SLC39A11: variants seen among roughly 807,000 people sequenced by gnomAD.
SLC39A11 encodes zinc transporter ZIP11.
A neutral mutation model predicts 36.1 loss-of-function variants in SLC39A11; 33 were observed. That is an observed-to-expected ratio of 0.91 (90% CI 0.69 to 1.22). SLC39A11 has a LOEUF of 1.22. Ranked by LOEUF, SLC39A11 falls within the 50% of genes most tolerant of loss-of-function variation. SLC39A11 has a pLI of 0.00. For missense variants in SLC39A11, 432 were observed against 430.3 expected (o/e 1.00, Z -0.03); for synonymous variants, 166 against 170.3 (o/e 0.97, Z 0.20).
chr17:72,809,045 TG>T, intron 6 of SLC39A11, among the ~76,000 whole-genome samples: 1 of 152,346 alleles, frequency 6.6e-6, no homozygotes, highest in Non-Finnish European at 1.5e-5. Flanking sequence ...ATCTGTGCTG[TG>T]GGCAAGAAGA....
intron 3 of SLC39A11, among the ~76,000 whole-genome samples, chr17:73,045,605 C>CT (rs556325441): frequency 2.0e-5 from 3 of 152,082 alleles, no homozygotes; most frequent in Non-Finnish European, 4.4e-5. Flanking sequence ...AACGCTTAGG[C>CT]TTTTTTGTTT....
chr17:72,995,075 C>T (rs990567811), intron 4 of SLC39A11, among the ~76,000 whole-genome samples: 11 of 152,182 alleles, frequency 7.2e-5, no homozygotes, highest in Non-Finnish European at 1.6e-4. Flanking sequence ...TGATACAGCC[C>T]TGCCTTCCTG....
intron 6 of SLC39A11, among the ~76,000 whole-genome samples, chr17:72,783,306 T>C (rs1191494805): frequency 3.9e-5 from 6 of 152,182 alleles, no homozygotes; most frequent in Admixed American, 1.3e-4. Context: ...CACTTTGTTA[T>C]AGAAGCTGTA....
chr17:72,795,313 C>T (rs570821794), intron 6 of SLC39A11, among the ~76,000 whole-genome samples: 118 of 152,204 alleles, frequency 7.8e-4, no homozygotes, highest in Non-Finnish European at 1.3e-3. Flanking sequence ...CCAAGCTCAC[C>T]TGTGCAGCTG....
rs75941297 is a variant in SLC39A11 at position 72,977,095 on chromosome 17, C to T, written c.307-29220G>A. ...TTGGGCCTGACCTAGTCCCAGGAGC[C>T]CTGAAAAGCAGAAAGCTGTGTCCAG... is the stretch of plus-strand genomic sequence containing the variant. On this transcript the variant is annotated intron_variant, in intron 4 of 9. Coordinates refer to ENST00000255559, the MANE Select transcript of SLC39A11 (RefSeq NM_139177.4). Among the ~76,000 whole-genome samples, 1,514 of 152,236 alleles carry T rather than the reference C, an allele frequency of 9.9e-3. 24 individuals carry two copies. The highest frequency in any genetic ancestry group is 0.035 in the African/African-American group (1,438 of 41,536).
At chr17:72,912,433 C>CT (rs527360752) in intron 5 of SLC39A11, among the ~76,000 whole-genome samples, 1,996 of 142,444 alleles carry the variant, frequency 0.014, 21 homozygotes, top group Non-Finnish European at 0.019. Context: ...AGGACAATAT[C>CT]TTTTTTTTTT....
chr17:72,927,641 C>T (rs2084125509), intron 5 of SLC39A11, among the ~76,000 whole-genome samples: 2 of 152,172 alleles, frequency 1.3e-5, no homozygotes, highest in African/African-American at 2.4e-5. Flanking sequence ...CACGCCTCCC[C>T]ACCCACAAGC....
chr17:73,081,742 T>TAC (rs760879499), intron 3 of SLC39A11, among the ~76,000 whole-genome samples: 19 of 149,704 alleles, frequency 1.3e-4, no homozygotes, highest in African/African-American at 1.5e-4. Flanking sequence ...TGTATATATA[T>TAC]ATACATATAT....
At chr17:73,055,909 C>T (rs2059649903) in intron 3 of SLC39A11, among the ~76,000 whole-genome samples, 1 of 152,198 alleles carries the variant, frequency 6.6e-6, no homozygotes, top group Non-Finnish European at 1.5e-5. Context: ...CACGTTGCAG[C>T]CCTGGGCTTC....
At chr17:72,885,278 C>T (rs1262310058) in intron 5 of SLC39A11, among the ~76,000 whole-genome samples, 24 of 152,146 alleles carry the variant, frequency 1.6e-4, no homozygotes, top group African/African-American at 2.4e-5. Context: ...TTTCTGCATA[C>T]TCAACTCCAG....
intron 5 of SLC39A11, among the ~76,000 whole-genome samples, chr17:72,918,270 G>C (rs1465234831): frequency 6.6e-6 from 1 of 152,208 alleles, no homozygotes; most frequent in Non-Finnish European, 1.5e-5. Flanking sequence ...TTAGCCAGGA[G>C]TGGTGGCACA....
At chr17:73,007,577 G>A (rs1410239536) in intron 4 of SLC39A11, among the ~76,000 whole-genome samples, 1 of 152,154 alleles carries the variant, frequency 6.6e-6, no homozygotes, top group Non-Finnish European at 1.5e-5. Context: ...CACGAGAAAA[G>A]GCTCAAAAAG....
chr17:73,084,090 T>C (rs1277684949), intron 3 of SLC39A11, among the ~76,000 whole-genome samples: 2 of 152,190 alleles, frequency 1.3e-5, no homozygotes, highest in African/African-American at 2.4e-5. Context: ...AGTTGGGAGA[T>C]GGGTGTCTGG....
intron 3 of SLC39A11, among the ~76,000 whole-genome samples, chr17:73,057,407 C>G (rs1416941878): frequency 6.6e-6 from 1 of 152,192 alleles, no homozygotes; most frequent in Non-Finnish European, 1.5e-5. Flanking sequence ...TGTTGACTGA[C>G]AATTCTGACC....
At chr17:72,959,548 C>T (rs139306688) in intron 4 of SLC39A11, among the ~76,000 whole-genome samples, 1 of 151,146 alleles carries the variant, frequency 6.6e-6, no homozygotes, top group Non-Finnish European at 1.5e-5. Context: ...GATGATACAA[C>T]GGACTTTGGG....
intron 3 of SLC39A11, among the ~76,000 whole-genome samples, chr17:73,056,449 A>G (rs1049332239): frequency 5.3e-4 from 80 of 152,250 alleles, no homozygotes; most frequent in Middle Eastern, 3.4e-3. Context: ...GTTTACAGGC[A>G]TGAGCCACCG....
intron 6 of SLC39A11, among the ~76,000 whole-genome samples, chr17:72,740,134 C>T (rs2074620562): frequency 7.9e-6 from 1 of 126,086 alleles, no homozygotes; most frequent in African/African-American, 3.1e-5. Context: ...GCCATTTCGG[C>T]TCACTGCAAG....
At chr17:72,724,108 T>C (rs908072185) in intron 7 of SLC39A11, among the ~76,000 whole-genome samples, 2 of 152,072 alleles carry the variant, frequency 1.3e-5, no homozygotes, top group Non-Finnish European at 2.9e-5. Flanking sequence ...CTTTTATTTT[T>C]TTTTTTCTGT....
intron 5 of SLC39A11, among the ~76,000 whole-genome samples, chr17:72,882,360 T>TAAAAAA: frequency 7.9e-6 from 1 of 126,280 alleles, no homozygotes; most frequent in Non-Finnish European, 1.7e-5. Flanking sequence ...TTCCTATATC[T>TAAAAAA]AAAAAAAAAA....
Sources: allele counts gnomAD v4.1 joint callset (sites outside exome capture counted in the v4.1 genomes callset), GRCh38; gene constraint gnomAD v4.1.1; transcripts MANE v1.5; gene names NCBI Gene and HGNC (gene_info 2026-07-23, HGNC 2026-07-21).